The following DPP6 variants were observed in gnomAD, a reference collection of about 807,000 sequenced individuals.
DPP6 encodes the protein A-type potassium channel modulatory protein DPP6.
DPP6 carries 69 observed loss-of-function variants against 122.6 expected under a neutral mutation model. That is an observed-to-expected ratio of 0.56 (90% CI 0.46 to 0.69). The LOEUF is 0.69. Ranked by LOEUF, DPP6 falls within the 30% of genes least tolerant of loss-of-function variation. The probability of loss-of-function intolerance (pLI) is 0.00; values close to 1 mark genes in which losing one functional copy is unlikely to be tolerated. For synonymous variants in DPP6, 418 were observed against 433.1 expected (o/e 0.97, Z 0.43); for missense variants, 928 against 1,116.9 (o/e 0.83, Z 2.41).
intron 1 of DPP6, among the ~76,000 whole-genome samples, chr7:154,232,672 TTGACAA>T (rs1174181496): frequency 1.3e-5 from 2 of 152,202 alleles, no homozygotes; most frequent in African/African-American, 4.8e-5. Flanking sequence ...ATGTTCTATT[TTGACAA>T]AGCCTTTTGT....
the DPP6 span, among the ~76,000 whole-genome samples, chr7:153,852,364 C>G: frequency 6.6e-6 from 1 of 152,012 alleles, no homozygotes; most frequent in Non-Finnish European, 1.5e-5. Flanking sequence ...CCTCAGGGAA[C>G]TTAGTCATGA....
chr7:154,816,325 T>C (rs906257925), intron 16 of DPP6, among the ~76,000 whole-genome samples: 1 of 152,244 alleles, frequency 6.6e-6, no homozygotes, highest in Non-Finnish European at 1.5e-5. Flanking sequence ...CAGTATATTG[T>C]TATAATAGTT....
intron 1 of DPP6, among the ~76,000 whole-genome samples, chr7:153,963,394 A>T (rs1045187343): frequency 2.7e-5 from 4 of 147,592 alleles, no homozygotes; most frequent in Non-Finnish European, 3.0e-5. Context: ...AACCCGAGAA[A>T]ACCTGGAGAA....
chr7:154,572,603 C>T lies in DPP6; in HGVS notation c.627+5687C>T, dbSNP rs939331769. The stretch of plus-strand genomic sequence containing the variant: ...GTGATCTCGACTCACTGCAACCTCC[C>T]CATCCCAGGTTCAAGAGATTCTCCT... On this transcript the variant is annotated intron_variant, in intron 5 of 25. Transcript: ENST00000377770. 5.5e-5 allele frequency among the ~76,000 whole-genome samples: 8 copies of T among 145,620 alleles called. No individual in the cohort carries two copies. In the South Asian group the frequency reaches 1.5e-3, roughly 28 times the overall value.
At chr7:154,737,034 A>T (rs1195476888) in intron 8 of DPP6, among the ~76,000 whole-genome samples, 1 of 152,222 alleles carries the variant, frequency 6.6e-6, no homozygotes, top group Non-Finnish European at 1.5e-5. Flanking sequence ...GTTGGGAAGG[A>T]CATGGTCTTC....
intron 17 of DPP6, among the ~76,000 whole-genome samples, chr7:154,864,244 A>C (rs1231873614): frequency 6.6e-6 from 1 of 152,156 alleles, no homozygotes; most frequent in Non-Finnish European, 1.5e-5. Flanking sequence ...TGTTCATTGG[A>C]TCTGGTCACC....
At chr7:154,003,900 G>A (rs1435779371) in intron 1 of DPP6, among the ~76,000 whole-genome samples, 1 of 152,234 alleles carries the variant, frequency 6.6e-6, no homozygotes, top group African/African-American at 2.4e-5. Flanking sequence ...CTCCAAGGAA[G>A]CCCCATGGCC....
chr7:154,042,167 G>A (rs1456048222), intron 1 of DPP6, among the ~76,000 whole-genome samples: 1 of 152,104 alleles, frequency 6.6e-6, no homozygotes, highest in Non-Finnish European at 1.5e-5. Flanking sequence ...CAGGGGAGGG[G>A]TCCCTCCTCT....
chr7:154,746,338 G>A (rs1443385673), intron 8 of DPP6, among the ~76,000 whole-genome samples: 2 of 152,160 alleles, frequency 1.3e-5, no homozygotes, highest in Non-Finnish European at 2.9e-5. Context: ...TATAAGAAGA[G>A]GGGAGCTCCA....
intron 7 of DPP6, among the ~76,000 whole-genome samples, chr7:154,725,106 G>A (rs568147845): frequency 6.6e-6 from 1 of 152,156 alleles, no homozygotes; most frequent in African/African-American, 2.4e-5. Flanking sequence ...CTAGAATAAA[G>A]GCGCATTGGA....
chr7:154,219,542 T>G (rs1800186215), intron 1 of DPP6, among the ~76,000 whole-genome samples: 1 of 152,206 alleles, frequency 6.6e-6, no homozygotes, highest in African/African-American at 2.4e-5. Flanking sequence ...TGCAGCTGTC[T>G]TAATGGAATC....
chr7:154,313,711 A>ATATG (rs1484050760), intron 1 of DPP6, among the ~76,000 whole-genome samples: 2 of 25,880 alleles, frequency 7.7e-5, no homozygotes, highest in Non-Finnish European at 1.6e-4. Context: ...ATATATATAT[A>ATATG]TATACACACA....
chr7:154,033,825 C>T (rs902385936), intron 1 of DPP6, among the ~76,000 whole-genome samples: 11 of 147,922 alleles, frequency 7.4e-5, no homozygotes, highest in Admixed American at 5.4e-4. Context: ...TTGGTGCCCA[C>T]TCCTCTGCAC....
chr7:153,991,135 G>C (rs1346656256), intron 1 of DPP6, among the ~76,000 whole-genome samples: 1 of 152,184 alleles, frequency 6.6e-6, no homozygotes, highest in Non-Finnish European at 1.5e-5. Context: ...GTGGTCGTCA[G>C]GCTGAGTGGA....
rs1392854271 is a variant in DPP6, at chr7:154,755,808, G to T, written c.884-13609G>T. On this transcript the variant is annotated intron_variant, in intron 8 of 25. Transcript: ENST00000377770. The surrounding 1 kb of genome is among the most constrained non-coding windows in gnomAD (Gnocchi z 4.7). Reference sequence around the variant, plus strand: ...CGAGCCCTTGGGTTGGAAGAGGTCGGAGTGGGGCGCGTCCCAGGTCGGGAA... The same window carrying T: ...CGAGCCCTTGGGTTGGAAGAGGTCGTAGTGGGGCGCGTCCCAGGTCGGGAA... Among the ~76,000 whole-genome samples the T allele has an allele frequency of 6.6e-5, 10 of 152,218 alleles. No individual in the cohort carries two copies.
At chr7:154,852,825 A>C (rs1802516200) in intron 16 of DPP6, among the ~76,000 whole-genome samples, 1 of 152,208 alleles carries the variant, frequency 6.6e-6, no homozygotes. Context: ...GGCTGACCAC[A>C]TGGTCATGGA....
At chr7:154,024,204 A>G (rs1798862091) in intron 1 of DPP6, among the ~76,000 whole-genome samples, 1 of 152,272 alleles carries the variant, frequency 6.6e-6, no homozygotes, top group Non-Finnish European at 1.5e-5. Context: ...CAAATAGTTC[A>G]GCTATCGATC....
intron 1 of DPP6, among the ~76,000 whole-genome samples, chr7:154,363,614 G>A (rs947511488): frequency 6.6e-5 from 10 of 152,148 alleles, no homozygotes; most frequent in South Asian, 4.1e-4. Context: ...GAGCACGTGC[G>A]CGGAAAACCA....
intron 1 of DPP6, among the ~76,000 whole-genome samples, chr7:154,243,418 A>G (rs1188633961): frequency 6.6e-6 from 1 of 152,206 alleles, no homozygotes; most frequent in East Asian, 1.9e-4. Flanking sequence ...ACAGAGGGAA[A>G]GTTGCAGTAG....
Sources: gnomAD v4.1 joint callset for allele counts (sites outside exome capture counted in the v4.1 genomes callset) on GRCh38, gnomAD v4.1.1 for gene constraint, Gnocchi (gnomAD v3.1) non-coding constraint, MANE v1.5 for transcripts, NCBI Gene and HGNC (gene_info 2026-07-23, HGNC 2026-07-21) for gene names.